CFAP54: variants seen among roughly 807,000 people sequenced by gnomAD.
CFAP54 encodes the protein cilia- and flagella-associated protein 54.
CFAP54 carries 290 observed loss-of-function variants against 370.4 expected under a neutral mutation model. The ratio of observed to expected loss-of-function variants is 0.78; its 90% CI spans 0.71 to 0.86. CFAP54 has a LOEUF of 0.86. CFAP54 is among the 40% of genes least tolerant of loss of function. CFAP54 has a pLI of 0.00. For missense variants in CFAP54, 3,399 were observed against 3,528.7 expected (o/e 0.96, Z 0.93); for synonymous variants, 1,206 against 1,236.5 (o/e 0.98, Z 0.52).
chr12:96,573,755 C>T (rs2136419160), intron 19 of CFAP54, among the ~76,000 whole-genome samples: 1 of 152,316 alleles, frequency 6.6e-6, no homozygotes, highest in Middle Eastern at 3.4e-3. Flanking sequence ...AACAGTTACA[C>T]TGATACCTCA....
At chr12:96,534,783 T>C (rs1054213404) in intron 11 of CFAP54, among the ~76,000 whole-genome samples, 3 of 152,234 alleles carry the variant, frequency 2.0e-5, no homozygotes, top group African/African-American at 7.2e-5. Context: ...GCATGGCTTA[T>C]CAGTTGCAGT....
chr12:96,704,368 A>G (rs1395882465), intron 46 of CFAP54, among the ~76,000 whole-genome samples: 3 of 146,550 alleles, frequency 2.0e-5, no homozygotes, highest in African/African-American at 7.5e-5. Context: ...TGGAGCTTGC[A>G]GTGAGCTGAG....
rs189508657 is a variant in CFAP54, at chr12:96,854,013, A to T, written c.9172-6806A>T. On this transcript the variant is annotated intron_variant, in intron 66 of 67. Transcript: ENST00000524981. ...TTAACGTAGCCACTTTATTTTTTTT[A>T]AAAAGCCATTCCTATCTTTAACATG... is the stretch of plus-strand genomic sequence containing the variant. 3.9e-5 allele frequency among the ~76,000 whole-genome samples: 6 copies of T among 152,110 alleles called. 1 individual carries two copies. Among genetic ancestry groups the T allele is most frequent in the Admixed American group, 3.3e-4 (5 of 15,250 alleles).
Position 96,589,506 on chromosome 12 carries a change from T to G in CFAP54, c.3155T>G (p.Leu1052Arg). The change falls in exon 23 of 68, where the codon CTT (leucine) becomes CGT (arginine). Residue 1052 changes from leucine (L) to arginine (R), a missense_variant. Leu to Arg is a moderately radical substitution (Grantham distance 102, BLOSUM62 -2). Around this residue, in one of 3 missense-constraint regions of CFAP54, gnomAD observed 2,796 missense variants for 2,869.7 expected, o/e 0.97. Coordinates refer to ENST00000524981, the MANE Select transcript of CFAP54 (RefSeq NM_001306084.2). The part of the protein sequence containing the change: ...PVWDYFVASP[L>R]QDEQSVICLS... ...TGGGATTATTTTGTTGCTTCGCCAC[T>G]TCAGGATGAACAATCTGTTATTTGT... The G allele has an allele frequency of 6.7e-7, 1 of 1,502,024 alleles. No homozygotes were observed. The highest frequency in any genetic ancestry group is 9.0e-7 in the Non-Finnish European group (1 of 1,116,086). The allele number at this position is 1,502,024 out of a possible 1,614,324, so 93.0% of individuals were successfully genotyped here. A position where few individuals can be genotyped will look rare whatever the true frequency, so the allele number is the denominator to read the frequency against.
chr12:96,840,765 A>G (rs1391530843), intron 66 of CFAP54, among the ~76,000 whole-genome samples: 4 of 151,978 alleles, frequency 2.6e-5, no homozygotes, highest in Non-Finnish European at 4.4e-5. Context: ...TGAGACATCC[A>G]CTTAATATTC....
intron 30 of CFAP54, among the ~76,000 whole-genome samples, chr12:96,628,321 A>G (rs1956568091): frequency 6.6e-6 from 1 of 152,230 alleles, no homozygotes; most frequent in African/African-American, 2.4e-5. Flanking sequence ...AGCTCCACAG[A>G]GCAGTGAACA....
chr12:96,548,699 A>G (rs545909129), intron 15 of CFAP54, among the ~76,000 whole-genome samples: 13 of 152,284 alleles, frequency 8.5e-5, no homozygotes, highest in Non-Finnish European at 1.3e-4. Flanking sequence ...ACAGAGACTG[A>G]CATGCATAAG....
At position 96,651,822 on chromosome 12, in the gene CFAP54, A is replaced by G. The variant is rs1221170972; in HGVS notation, c.5100+7A>G. ...AAATACCAGTTCTATTAAGGTAAAGACACTTTGGTAATTATTTTTATTATA... is the reference window on the plus strand; with the variant it reads ...AAATACCAGTTCTATTAAGGTAAAGGCACTTTGGTAATTATTTTTATTATA... On this transcript the variant is annotated splice_region_variant and intron_variant, in intron 36 of 67. Transcript: ENST00000524981. 1 of 1,506,990 alleles carries G rather than the reference A, an allele frequency of 6.6e-7. No homozygotes were observed. Among genetic ancestry groups the G allele is most frequent in the Admixed American group, 1.7e-5 (1 of 58,482 alleles). The allele number at this position is 1,506,990 out of a possible 1,614,324, so 93.4% of individuals were successfully genotyped here. A position where few individuals can be genotyped will look rare whatever the true frequency, so the allele number is the denominator to read the frequency against.
intron 32 of CFAP54, among the ~76,000 whole-genome samples, chr12:96,636,895 T>C (rs1047131137): frequency 4.5e-4 from 68 of 151,478 alleles, no homozygotes; most frequent in African/African-American, 1.5e-3. Flanking sequence ...AACAGCTTTA[T>C]TGAGATAATA....
chr12:96,629,365 G>A (rs765304660), intron 30 of CFAP54, among the ~76,000 whole-genome samples: 2 of 151,604 alleles, frequency 1.3e-5, no homozygotes, highest in Non-Finnish European at 2.9e-5. Context: ...GTGCAGTGGC[G>A]CGATCTTGGC....
At chr12:96,664,609 T>C (rs7488535) in intron 39 of CFAP54, among the ~76,000 whole-genome samples, 128,294 of 144,682 alleles carry the variant, frequency 0.89, 57,037 homozygotes, top group East Asian at 0.96. Flanking sequence ...CAGCTGTGCC[T>C]TACCAAGAAC....
At chr12:96,614,777 A>G (rs1956397671) in intron 26 of CFAP54, among the ~76,000 whole-genome samples, 1 of 152,252 alleles carries the variant, frequency 6.6e-6, no homozygotes, top group Admixed American at 6.5e-5. Context: ...CAAAGAGAAT[A>G]AAATACCTAG....
At chr12:96,836,213 T>C (rs1185044561) in intron 66 of CFAP54, among the ~76,000 whole-genome samples, 3 of 152,188 alleles carry the variant, frequency 2.0e-5, no homozygotes, top group Non-Finnish European at 4.4e-5. Flanking sequence ...GTTTATCTAC[T>C]GTTGAAGTCA....
chr12:96,588,360 T>C (rs1684104751), intron 22 of CFAP54, among the ~76,000 whole-genome samples: 1 of 152,236 alleles, frequency 6.6e-6, no homozygotes, highest in African/African-American at 2.4e-5. Flanking sequence ...GAAATCTTCA[T>C]GTCTCCTTTT....
In CFAP54 at chr12:96,675,270, T is replaced by G. The variant is rs370652347; in HGVS notation, c.5564-4330T>G. 3.9e-5 allele frequency among the ~76,000 whole-genome samples: 6 copies of G among 152,150 alleles called. No homozygotes were observed. The South Asian group carries it at 6.2e-4, about 16-fold the overall frequency. On this transcript the variant is annotated intron_variant, in intron 39 of 67. Transcript: ENST00000524981. ...AAAACAAACAACCCCATCAACAAGTTGGCAAAGGATATGAACAGACACTTC... is the reference window on the plus strand; with the variant it reads ...AAAACAAACAACCCCATCAACAAGTGGGCAAAGGATATGAACAGACACTTC...
intron 65 of CFAP54, among the ~76,000 whole-genome samples, chr12:96,825,311 A>ACATGT: frequency 7.8e-6 from 1 of 127,878 alleles, no homozygotes; most frequent in African/African-American, 3.0e-5. Flanking sequence ...TATATATATA[A>ACATGT]TATAATATAT....
intron 55 of CFAP54, among the ~76,000 whole-genome samples, chr12:96,744,926 A>G (rs985646785): frequency 1.3e-5 from 2 of 151,972 alleles, no homozygotes; most frequent in Non-Finnish European, 2.9e-5. Context: ...TTCAGCTCCC[A>G]CTTATAAGTG....
At chr12:96,685,334 G>A in intron 42 of CFAP54, 96 bp downstream of exon 42, 1 of 1,019,010 alleles carries the variant, frequency 9.8e-7, no homozygotes, top group Non-Finnish European at 1.5e-6. Flanking sequence ...CATGCACACT[G>A]GATTTCTGGG....
chr12:96,587,148 G>A (rs1253278794), intron 22 of CFAP54, among the ~76,000 whole-genome samples: 1 of 152,156 alleles, frequency 6.6e-6, no homozygotes, highest in Non-Finnish European at 1.5e-5. Context: ...GCATGTTGAG[G>A]TAAGGTGTTT....
Sources: allele counts gnomAD v4.1 joint callset (sites outside exome capture counted in the v4.1 genomes callset), GRCh38; gene constraint gnomAD v4.1.1; regional missense constraint gnomAD v4.1.1; transcripts MANE v1.5; gene names NCBI Gene and HGNC (gene_info 2026-07-23, HGNC 2026-07-21).